Variants in LRP6 observed in about 807,000 individuals in gnomAD.
LRP6 encodes LDL receptor related protein 6.
LRP6 carries 43 observed loss-of-function variants against 184.1 expected under a neutral mutation model. The observed-to-expected ratio is 0.23, with a 90% CI of 0.18 to 0.30. LRP6 has a LOEUF of 0.30. Among genes scored for constraint, LRP6 ranks in the 10% least tolerant of loss-of-function variants. The pLI is 1.00. For synonymous variants in LRP6, 719 were observed against 684.9 expected (o/e 1.05, Z -0.78); for missense variants, 1,571 against 2,005.3 (o/e 0.78, Z 4.14).
At chr12:12,127,622 C>T (rs1371111320) in intron 19 of LRP6, among the ~76,000 whole-genome samples, 4 of 148,956 alleles carry the variant, frequency 2.7e-5, no homozygotes, top group Admixed American at 6.7e-5. Context: ...AGGGATTCAC[C>T]TTCCCTGGAT....
intron 1 of LRP6, chr12:12,248,898 T>C: frequency 3.0e-6 from 1 of 336,344 alleles, no homozygotes; most frequent in East Asian, 7.1e-5. Context: ...TTTCAAACCT[T>C]CCACTTCCTA....
intron 19 of LRP6, among the ~76,000 whole-genome samples, chr12:12,129,443 G>C (rs138540548): frequency 6.6e-6 from 1 of 152,268 alleles, no homozygotes; most frequent in East Asian, 1.9e-4. Context: ...GTTTCCCAGA[G>C]GTGCCTGTTT....
chr12:12,131,874 C>T lies in LRP6; in HGVS notation c.3917G>A (p.Arg1306Gln), dbSNP rs771272398. Reference protein sequence around the residue: ...ASGQCIDGALRCNGDANCQDK... With the variant: ...ASGQCIDGALQCNGDANCQDK... Reference sequence around the variant, plus strand: ...CTGGCAGTTTGCATCTCCATTGCATCGGAGGGCACCATCAATACACTGCCC... The same window carrying T: ...CTGGCAGTTTGCATCTCCATTGCATTGGAGGGCACCATCAATACACTGCCC... The change falls in exon 18 of 23, where the codon CGA becomes CAA. Residue 1306 changes from arginine (R) to glutamine (Q), a missense_variant. Coordinates refer to ENST00000261349, the MANE Select transcript of LRP6 (RefSeq NM_002336.3). The T allele has an allele frequency of 5.6e-6, 9 of 1,614,082 alleles. No individual in the cohort carries two copies. The African/African-American group carries it at 6.7e-5, about 12-fold the overall frequency.
intron 3 of LRP6, among the ~76,000 whole-genome samples, chr12:12,200,840 A>G (rs1392977190): frequency 1.3e-5 from 2 of 152,208 alleles, no homozygotes; most frequent in Non-Finnish European, 2.9e-5. Context: ...CACGTCATTT[A>G]TAAGTGATTC....
At chr12:12,148,562 T>C (rs1249776421) in intron 14 of LRP6, among the ~76,000 whole-genome samples, 1 of 151,952 alleles carries the variant, frequency 6.6e-6, no homozygotes, top group Non-Finnish European at 1.5e-5. Flanking sequence ...AAAAGTAACG[T>C]AAATTGGAAA....
intron 2 of LRP6, among the ~76,000 whole-genome samples, chr12:12,222,384 G>T (rs1162832222): frequency 6.6e-6 from 1 of 151,884 alleles, no homozygotes; most frequent in South Asian, 2.1e-4. Context: ...TGACCAACAT[G>T]GTGAAACCTC....
chr12:12,181,382 T>C lies in LRP6; in HGVS notation c.1034A>G (p.Asp345Gly), dbSNP rs1386611438. 6.4e-7 allele frequency: 1 copy of C among 1,554,152 alleles called. No homozygotes were observed. Among genetic ancestry groups the C allele is most frequent in the Admixed American group, 1.7e-5 (1 of 59,902 alleles). Reference protein sequence around the residue: ...RRTDLRRISLDTPDFTDIVLQ... With the variant: ...RRTDLRRISLGTPDFTDIVLQ... ...AACAATGTCTGTAAAATCTGGTGTA[T>C]CCAAAGAAATGCGTCTCAAGTCTGT... The change falls in exon 6 of 23, where the codon GAT becomes GGT. Residue 345 changes from aspartate to glycine, a missense_variant. Asp to Gly is a moderately conservative substitution (Grantham distance 94, BLOSUM62 -1). Transcript: ENST00000261349.
At chr12:12,204,725 G>A (rs1864007413) in intron 2 of LRP6, among the ~76,000 whole-genome samples, 1 of 151,726 alleles carries the variant, frequency 6.6e-6, no homozygotes, top group Non-Finnish European at 1.5e-5. Flanking sequence ...GGAGGCTGAG[G>A]CAGGCGGATC....
At chr12:12,169,273 C>T (rs541146726) in intron 7 of LRP6, among the ~76,000 whole-genome samples, 3 of 148,908 alleles carry the variant, frequency 2.0e-5, no homozygotes, top group East Asian at 1.9e-4. Flanking sequence ...AAAGTATGCC[C>T]GCAGTGTGGG....
At chr12:12,189,054 TAAGTG>T (rs1255503991) in intron 3 of LRP6, among the ~76,000 whole-genome samples, 2 of 152,246 alleles carry the variant, frequency 1.3e-5, no homozygotes, top group African/African-American at 4.8e-5. Flanking sequence ...TGTATATCAT[TAAGTG>T]AAAAGTTGAA....
chr12:12,234,897 A>C (rs1675144145), intron 2 of LRP6, among the ~76,000 whole-genome samples: 1 of 152,084 alleles, frequency 6.6e-6, no homozygotes, highest in Admixed American at 6.5e-5. Flanking sequence ...AAGAATATAC[A>C]CACGTATCAA....
At chr12:12,208,412 T>C (rs1049024036) in intron 2 of LRP6, among the ~76,000 whole-genome samples, 1 of 152,206 alleles carries the variant, frequency 6.6e-6, no homozygotes, top group African/African-American at 2.4e-5. Flanking sequence ...CTCAGTAAAG[T>C]TGCTTAAAAC....
At chr12:12,129,695 G>T (rs1484061082) in intron 19 of LRP6, among the ~76,000 whole-genome samples, 2 of 152,066 alleles carry the variant, frequency 1.3e-5, no homozygotes, top group Admixed American at 6.6e-5. Context: ...TGGGATTACA[G>T]GTGCCCGCCA....
At chr12:12,123,435 CTTTAAGTG>C (rs1463974221) in intron 22 of LRP6, among the ~76,000 whole-genome samples, 1 of 152,170 alleles carries the variant, frequency 6.6e-6, no homozygotes, top group Non-Finnish European at 1.5e-5. Context: ...GAGTGAGATA[CTTTAAGTG>C]GTTTCCACTT....
chr12:12,125,841 GAA>G (rs942894074), intron 20 of LRP6, among the ~76,000 whole-genome samples: 3 of 152,066 alleles, frequency 2.0e-5, no homozygotes, highest in Non-Finnish European at 4.4e-5. Context: ...ACATATGAAA[GAA>G]TATTTTTTCA....
At chr12:12,254,518 T>C (rs1167892269) in intron 1 of LRP6, among the ~76,000 whole-genome samples, 1 of 152,176 alleles carries the variant, frequency 6.6e-6, no homozygotes, top group Non-Finnish European at 1.5e-5. Context: ...AATAAACACT[T>C]ATCTTTTTCT....
chr12:12,258,263 T>A lies in LRP6; in HGVS notation c.55+8418A>T, dbSNP rs143221876. Among the ~76,000 whole-genome samples the A allele has an allele frequency of 2.3e-3, 344 of 152,292 alleles. 1 individual carries two copies. Among genetic ancestry groups the A allele is most frequent in the African/African-American group, 8.0e-3 (333 of 41,558 alleles). On this transcript the variant is annotated intron_variant, in intron 1 of 22. Coordinates refer to ENST00000261349, the MANE Select transcript of LRP6 (RefSeq NM_002336.3). ...TTCTAAGCAGCTGAAACTACAGGCA[T>A]GTGCCATCGTGACCAGATAATTTTT...
intron 8 of LRP6, among the ~76,000 whole-genome samples, 160 bp downstream of exon 8, chr12:12,164,919 T>TTAAA (rs1280117813): frequency 1.8e-5 from 1 of 57,094 alleles, no homozygotes; most frequent in African/African-American, 5.2e-5. Flanking sequence ...CCCTTCTCAG[T>TTAAA]AAAAAAAAAA....
Position 12,116,366 on chromosome 12 carries a change from G to A in LRP6, c.*4760C>T, listed in dbSNP as rs950855889. 4.6e-5 allele frequency: 7 copies of A among 152,266 alleles called. No individual in the cohort carries two copies. Among genetic ancestry groups the A allele is most frequent in the African/African-American group, 1.7e-4 (7 of 41,558 alleles). 9.4% of individuals were successfully genotyped at this position (152,266 alleles called of 1,614,324 possible). A position where few individuals can be genotyped will look rare whatever the true frequency, so the allele number is the denominator to read the frequency against. The stretch of plus-strand genomic sequence containing the variant: ...ACCAGATCCTTCACTTGCAAATAAG[G>A]CTAGTCCAGTTTAATCTTCTTGGTA... On this transcript the variant is annotated 3_prime_UTR_variant, in exon 23 of 23. Coordinates refer to ENST00000261349, the MANE Select transcript of LRP6 (RefSeq NM_002336.3).
Sources: allele counts gnomAD v4.1 joint callset (sites outside exome capture counted in the v4.1 genomes callset), GRCh38; gene constraint gnomAD v4.1.1; transcripts MANE v1.5; gene names NCBI Gene and HGNC (gene_info 2026-07-23, HGNC 2026-07-21).